Variants in CCDC102B observed in about 807,000 individuals in gnomAD.
The protein encoded by CCDC102B is coiled-coil domain containing 102B, also known as coiled-coil domain-containing protein 102B.
CCDC102B carries 75 observed loss-of-function variants against 57.4 expected under a neutral mutation model. That is an observed-to-expected ratio of 1.31 (90% CI 1.08 to 1.58). The LOEUF (loss-of-function observed/expected upper bound fraction) is 1.58, where lower values mean the gene tolerates loss of function less well. CCDC102B is among the 40% of genes most tolerant of loss of function. The probability of loss-of-function intolerance (pLI) is 0.00; values close to 1 mark genes in which losing one functional copy is unlikely to be tolerated. For synonymous variants in CCDC102B, 206 were observed against 201.9 expected (o/e 1.02, Z -0.17); for missense variants, 636 against 582.6 (o/e 1.09, Z -0.94).
chr18:68,769,171 T>C (rs1157394789), intron 2 of CCDC102B, among the ~76,000 whole-genome samples: 1 of 151,502 alleles, frequency 6.6e-6, no homozygotes, highest in African/African-American at 2.4e-5. Flanking sequence ...GAGAATGGCT[T>C]GAACCTGGGA....
chr18:68,880,098 GA>G (rs2039625502), intron 5 of CCDC102B, among the ~76,000 whole-genome samples: 1 of 152,164 alleles, frequency 6.6e-6, no homozygotes, highest in Admixed American at 6.5e-5. Flanking sequence ...GGAGGGGGTG[GA>G]AGGCTCAGGC....
chr18:68,961,504 A>G (rs2050047562), intron 6 of CCDC102B, among the ~76,000 whole-genome samples: 1 of 151,954 alleles, frequency 6.6e-6, no homozygotes, highest in Non-Finnish European at 1.5e-5. Context: ...TTTTATAAAT[A>G]TTCATATGCA....
intron 4 of CCDC102B, among the ~76,000 whole-genome samples, chr18:68,850,486 G>T (rs2038072627): frequency 6.6e-6 from 1 of 151,962 alleles, no homozygotes; most frequent in Non-Finnish European, 1.5e-5. Flanking sequence ...AAGGATTAGA[G>T]CTACCTGTGA....
chr18:69,006,462 T>C (rs377230481), intron 6 of CCDC102B, among the ~76,000 whole-genome samples: 6 of 151,890 alleles, frequency 4.0e-5, no homozygotes, highest in East Asian at 3.9e-4. Flanking sequence ...CTTGCTCTGT[T>C]GCCTTGCTGG....
At chr18:68,748,384 G>T (rs529209102) in intron 2 of CCDC102B, among the ~76,000 whole-genome samples, 13 of 152,144 alleles carry the variant, frequency 8.5e-5, no homozygotes, top group African/African-American at 3.1e-4. Context: ...GATTAGACCT[G>T]AATATAAAAT....
rs1287775057 is a variant in CCDC102B at position 68,785,013 on chromosome 18, T to C, written c.-66-38353T>C. Among the ~76,000 whole-genome samples the C allele has an allele frequency of 4.9e-5, 6 of 123,488 alleles. No homozygotes were observed. The Admixed American group carries it at 6.3e-4, about 13-fold the overall frequency. 81.0% of individuals were successfully genotyped at this position (123,488 alleles called of 152,430 possible). On this transcript the variant is annotated intron_variant, in intron 2 of 3. Transcript: ENST00000578970. ...CCACAACAGTCCCCAGAGTGTGATA[T>C]TCCCCTTCCTGTGTCCATGTGATTT...
At chr18:68,780,893 T>C (rs551972813) in intron 2 of CCDC102B, among the ~76,000 whole-genome samples, 2 of 152,066 alleles carry the variant, frequency 1.3e-5, no homozygotes, top group African/African-American at 2.4e-5. Context: ...ATAATTATAA[T>C]CACACCAGAT....
At chr18:68,750,482 ACACATG>A (rs2033802315) in intron 2 of CCDC102B, among the ~76,000 whole-genome samples, 1 of 152,182 alleles carries the variant, frequency 6.6e-6, no homozygotes, top group African/African-American at 2.4e-5. Context: ...TGCTATAAAG[ACACATG>A]CACATGCACA....
At chr18:68,949,533 A>G (rs1312924528) in intron 6 of CCDC102B, among the ~76,000 whole-genome samples, 3 of 152,116 alleles carry the variant, frequency 2.0e-5, no homozygotes, top group Non-Finnish European at 2.9e-5. Flanking sequence ...CATAGAGGAA[A>G]CCATCCCTCA....
intron 6 of CCDC102B, among the ~76,000 whole-genome samples, chr18:68,961,612 A>G (rs1279949311): frequency 2.0e-5 from 3 of 152,062 alleles, no homozygotes; most frequent in East Asian, 1.9e-4. Context: ...GAGTGCACCT[A>G]TAAAATGTCA....
At chr18:68,808,682 A>T (rs757413820) in intron 1 of CCDC102B, among the ~76,000 whole-genome samples, 1 of 151,882 alleles carries the variant, frequency 6.6e-6, no homozygotes, top group Non-Finnish European at 1.5e-5. Context: ...GTTTCACCGT[A>T]TTAGCCAGGA....
intron 3 of CCDC102B, among the ~76,000 whole-genome samples, chr18:68,844,324 T>G: frequency 6.6e-6 from 1 of 151,918 alleles, no homozygotes; most frequent in South Asian, 2.1e-4. Context: ...CAAAATTAAT[T>G]TTAAGGAGGA....
intron 4 of CCDC102B, among the ~76,000 whole-genome samples, chr18:68,863,360 G>T (rs542395219): frequency 1.3e-5 from 2 of 151,818 alleles, no homozygotes; most frequent in Non-Finnish European, 2.9e-5. Flanking sequence ...TAAAGGGTTT[G>T]GTTTGAATCA....
At chr18:68,900,288 A>G (rs373290258) in intron 6 of CCDC102B, 78 of 152,306 alleles carry the variant, frequency 5.1e-4, no homozygotes, top group African/African-American at 1.8e-3. Flanking sequence ...TTGTAAAAAC[A>G]TAAGTAAATC....
rs1242304837 is a variant in CCDC102B, at chr18:68,825,009, TTC to T, written c.-15-11736_-15-11735del. On this transcript the variant is annotated intron_variant, in intron 1 of 7. Transcript: ENST00000360242. Reference sequence around the variant, plus strand: ...AATATATGTGAAATACTCAGGAAAATTCTCTGTCTCTTTTTCTTTCTCTTTTA... The same window carrying T: ...AATATATGTGAAATACTCAGGAAAATTCTGTCTCTTTTTCTTTCTCTTTTA... Among the ~76,000 whole-genome samples the T allele has an allele frequency of 2.6e-5, 4 of 152,298 alleles. No individual in the cohort carries two copies. The East Asian group carries it at 7.7e-4, about 29-fold the overall frequency.
intron 7 of CCDC102B, among the ~76,000 whole-genome samples, chr18:69,052,240 G>A (rs955542221): frequency 1.3e-5 from 2 of 151,850 alleles, no homozygotes; most frequent in African/African-American, 4.8e-5. Flanking sequence ...AAAATATAAA[G>A]AGACATTATA....
At chr18:68,890,544 G>C (rs1354978882) in intron 5 of CCDC102B, among the ~76,000 whole-genome samples, 1 of 152,152 alleles carries the variant, frequency 6.6e-6, no homozygotes. Context: ...AATGGTTGAT[G>C]TATCACAAAA....
chr18:68,768,163 G>C (rs1359564044), intron 2 of CCDC102B, among the ~76,000 whole-genome samples: 1 of 152,030 alleles, frequency 6.6e-6, no homozygotes, highest in African/African-American at 2.4e-5. Context: ...GAACTTTAAA[G>C]AATAAAGTTA....
chr18:68,988,013 A>C (rs903908193), intron 6 of CCDC102B, among the ~76,000 whole-genome samples: 1 of 152,206 alleles, frequency 6.6e-6, no homozygotes, highest in Non-Finnish European at 1.5e-5. Context: ...TAGAAGCAGA[A>C]CTACCATTCC....
Sources: allele counts gnomAD v4.1 joint callset (sites outside exome capture counted in the v4.1 genomes callset), GRCh38; gene constraint gnomAD v4.1.1; transcripts MANE v1.5; gene names NCBI Gene and HGNC (gene_info 2026-07-23, HGNC 2026-07-21).